The following NEK5 variants were observed in gnomAD, a reference collection of about 807,000 sequenced individuals.
The protein encoded by NEK5 is serine/threonine-protein kinase Nek5.
A neutral mutation model predicts 109.2 loss-of-function variants in NEK5; 88 were observed. The ratio of observed to expected loss-of-function variants is 0.81; its 90% CI spans 0.68 to 0.96. The LOEUF is 0.96. Among genes scored for constraint, NEK5 ranks in the 40% least tolerant of loss-of-function variants. The pLI, the probability that NEK5 is intolerant of heterozygous loss-of-function variation, is 0.00. For missense variants in NEK5, 834 were observed against 920.7 expected (o/e 0.91, Z 1.22); for synonymous variants, 283 against 299.9 (o/e 0.94, Z 0.58).
intron 17 of NEK5, among the ~76,000 whole-genome samples, chr13:52,080,303 T>G (rs898455837): frequency 6.8e-6 from 1 of 146,598 alleles, no homozygotes; most frequent in Non-Finnish European, 1.5e-5. Context: ...AGCCGCCTCG[T>G]CCGGGAGGTG....
In NEK5 at chr13:52,108,799, A is replaced by G. The variant is rs545032488; in HGVS notation, c.468-395T>C. Among the ~76,000 whole-genome samples the G allele has an allele frequency of 2.0e-5, 3 of 152,332 alleles. No individual in the cohort carries two copies. The South Asian group carries it at 6.2e-4, about 32-fold the overall frequency. On this transcript the variant is annotated intron_variant, in intron 7 of 23. Transcript: ENST00000684899. Reference sequence around the variant, plus strand: ...TAGCACCTAAAACAACTATTGTTAAAATTCTGATATATTTCCTTCCTGTCT... The same window carrying G: ...TAGCACCTAAAACAACTATTGTTAAGATTCTGATATATTTCCTTCCTGTCT...
At chr13:52,080,062 G>A (rs1461065718) in intron 17 of NEK5, among the ~76,000 whole-genome samples, 13 of 151,334 alleles carry the variant, frequency 8.6e-5, no homozygotes, top group Non-Finnish European at 1.8e-4. Flanking sequence ...CCCTCCGCCC[G>A]GCAGCCGCCC....
chr13:52,078,818 T>C (rs765744120), intron 17 of NEK5, among the ~76,000 whole-genome samples: 1 of 152,182 alleles, frequency 6.6e-6, no homozygotes, highest in African/African-American at 2.4e-5. Context: ...CTGGAGTAGA[T>C]TGGGGTTGGA....
At chr13:52,041,723 T>C (rs545890950) in intron 23 of NEK5, among the ~76,000 whole-genome samples, 103 of 72,216 alleles carry the variant, frequency 1.4e-3, no homozygotes, top group African/African-American at 4.7e-3. Flanking sequence ...AGCGAAACTC[T>C]GTCTCAAAAA....
At chr13:52,111,571 A>G (rs1955759847) in intron 5 of NEK5, among the ~76,000 whole-genome samples, 1 of 152,202 alleles carries the variant, frequency 6.6e-6, no homozygotes, top group Non-Finnish European at 1.5e-5. Context: ...CTAAAATAGA[A>G]CAAAGAAACA....
intron 13 of NEK5, among the ~76,000 whole-genome samples, chr13:52,090,881 C>G (rs1272988935): frequency 6.6e-6 from 1 of 152,064 alleles, no homozygotes; most frequent in Admixed American, 6.6e-5. Context: ...AAAAAATTAA[C>G]CAGGTGTCGT....
chr13:52,082,575 G>C (rs1205686441), intron 17 of NEK5, among the ~76,000 whole-genome samples: 1 of 152,030 alleles, frequency 6.6e-6, no homozygotes, highest in East Asian at 1.9e-4. Flanking sequence ...TTCTCAGAAG[G>C]GAAAAAAACT....
At chr13:52,120,203 T>C (rs954019679) in intron 3 of NEK5, among the ~76,000 whole-genome samples, 1 of 152,098 alleles carries the variant, frequency 6.6e-6, no homozygotes, top group African/African-American at 2.4e-5. Flanking sequence ...CTTCCCTACA[T>C]CTCAGCTGAA....
At chr13:52,071,002 G>A (rs940267284) in intron 20 of NEK5, among the ~76,000 whole-genome samples, 1 of 152,184 alleles carries the variant, frequency 6.6e-6, no homozygotes, top group Admixed American at 6.5e-5. Context: ...CACATAACCA[G>A]AAGGTGGCAG....
At chr13:52,078,459 C>T (rs1353817984) in intron 17 of NEK5, among the ~76,000 whole-genome samples, 1 of 152,146 alleles carries the variant, frequency 6.6e-6, no homozygotes, top group Non-Finnish European at 1.5e-5. Flanking sequence ...GCGCAACAAA[C>T]TTTTGCAGGT....
At chr13:52,045,657 C>T (rs183381356) in intron 23 of NEK5, among the ~76,000 whole-genome samples, 1,904 of 145,100 alleles carry the variant, frequency 0.013, 47 homozygotes, top group African/African-American at 0.047. Context: ...CCCAGCTACT[C>T]GGGAGGCTGA....
Position 52,127,370 on chromosome 13 carries a change from T to G in NEK5, c.113A>C (p.Glu38Ala), listed in dbSNP as rs547140893. ...GAAATTTGAACTTAACTTTACCTTTTCAAAATTGATCTCTTTTATGACACA... is the reference window on the plus strand; with the variant it reads ...GAAATTTGAACTTAACTTTACCTTTGCAAAATTGATCTCTTTTATGACACA... ...KHCVIKEINF[E>A]KMPIQEKEAS... is the part of the protein sequence containing the mutation. The change falls in exon 3 of 24, where the codon GAA (glutamate) becomes GCA (alanine). Residue 38 changes from glutamate to alanine, a missense_variant. Coordinates refer to ENST00000684899, the MANE Select transcript of NEK5 (RefSeq NM_001365552.1). 1.6e-5 allele frequency: 25 copies of G among 1,549,060 alleles called. No individual in the cohort carries two copies. In the South Asian group the frequency reaches 2.8e-4, roughly 17 times the overall value.
At chr13:52,112,460 C>A in intron 4 of NEK5, 95 bp from the exon 5 acceptor site, 1 of 760,346 alleles carries the variant, frequency 1.3e-6, no homozygotes, top group Non-Finnish European at 2.3e-6. Context: ...GTTCTAATTC[C>A]ACTATACCAT....
intron 1 of NEK5, among the ~76,000 whole-genome samples, chr13:52,128,517 T>C (rs984197397): frequency 6.6e-6 from 1 of 152,210 alleles, no homozygotes; most frequent in Non-Finnish European, 1.5e-5. Flanking sequence ...AGTTTTGTTG[T>C]TGTTGTTAAT....
At chr13:52,104,668 C>T in intron 8 of NEK5, 116 bp from the exon 9 acceptor site, 1 of 730,974 alleles carries the variant, frequency 1.4e-6, no homozygotes, top group Non-Finnish European at 2.4e-6. Context: ...AGTTGATCAG[C>T]TTTTACAAAT....
chr13:52,121,132 G>C (rs1174513396), intron 3 of NEK5, among the ~76,000 whole-genome samples: 1 of 150,990 alleles, frequency 6.6e-6, no homozygotes, highest in Non-Finnish European at 1.5e-5. Flanking sequence ...TCATTTTTGT[G>C]GGGGGTCTGT....
chr13:52,077,630 A>G (rs951422743), intron 17 of NEK5, among the ~76,000 whole-genome samples: 7 of 152,198 alleles, frequency 4.6e-5, no homozygotes, highest in African/African-American at 1.7e-4. Flanking sequence ...CACTCATACA[A>G]TGTCAAGGGG....
intron 17 of NEK5, 117 bp from the exon 18 acceptor site, chr13:52,076,260 T>C: frequency 3.4e-6 from 2 of 591,918 alleles, no homozygotes; most frequent in South Asian, 4.4e-5. Flanking sequence ...GGAAAGTTAA[T>C]AATAATTAAC....
At chr13:52,116,667 G>A (rs918969861) in intron 4 of NEK5, among the ~76,000 whole-genome samples, 1 of 152,132 alleles carries the variant, frequency 6.6e-6, no homozygotes. Context: ...TAATAAATAG[G>A]TGTTGTTGTT....
Sources: gnomAD v4.1 joint callset for allele counts (sites outside exome capture counted in the v4.1 genomes callset) on GRCh38, gnomAD v4.1.1 for gene constraint, MANE v1.5 for transcripts, NCBI Gene and HGNC (gene_info 2026-07-23, HGNC 2026-07-21) for gene names.